The following DYTN variants were observed in gnomAD, a reference collection of about 807,000 sequenced individuals.
The protein encoded by DYTN is dystrotelin.
Under a neutral mutation model 69.6 loss-of-function variants are expected in DYTN, and 75 were observed. That is an observed-to-expected ratio of 1.08 (90% CI 0.89 to 1.31). DYTN has a LOEUF of 1.31. Among genes scored for constraint, DYTN ranks in the 50% most tolerant of loss-of-function variants. DYTN has a pLI of 0.00. For missense variants in DYTN, 726 were observed against 688.4 expected (o/e 1.05, Z -0.61); for synonymous variants, 252 against 249.1 (o/e 1.01, Z -0.11).
At chr2:206,660,284 A>G (rs1699497815) in intron 11 of DYTN, among the ~76,000 whole-genome samples, 1 of 152,198 alleles carries the variant, frequency 6.6e-6, no homozygotes, top group African/African-American at 2.4e-5. Context: ...ATGTATATTT[A>G]TATCTTGATA....
chr2:206,653,253 A>G (rs1179409912), intron 11 of DYTN, among the ~76,000 whole-genome samples: 1 of 152,210 alleles, frequency 6.6e-6, no homozygotes, highest in Admixed American at 6.5e-5. Context: ...GCCATAATCA[A>G]TCTCACATAC....
chr2:206,699,512 G>A (rs985030618), intron 7 of DYTN, among the ~76,000 whole-genome samples: 11 of 152,270 alleles, frequency 7.2e-5, no homozygotes, highest in South Asian at 4.1e-4. Context: ...CACATTATGC[G>A]TCAGTGGAAG....
chr2:206,705,057 G>T, intron 4 of DYTN, 114 bp from the exon 5 acceptor site: 1 of 857,024 alleles, frequency 1.2e-6, no homozygotes, highest in Non-Finnish European at 1.8e-6. Context: ...AGAAGGGAAA[G>T]TTATGTTCTT....
At chr2:206,717,079 A>ACACACACACACACACACACACAC (rs1194032966) in intron 1 of DYTN, among the ~76,000 whole-genome samples, 10 of 137,332 alleles carry the variant, frequency 7.3e-5, no homozygotes, top group South Asian at 7.0e-4. Flanking sequence ...CACACACACA[A>ACACACACACACACACACACACAC]AACAAACTCA....
At chr2:206,701,321 G>A (rs1699974913) in intron 5 of DYTN, 1 of 152,206 alleles carries the variant, frequency 6.6e-6, no homozygotes, top group African/African-American at 2.4e-5. Flanking sequence ...AAATCAGTTT[G>A]TCAAAGAGAC....
In DYTN at chr2:206,694,643, T is replaced by A. The variant is rs188643089; in HGVS notation, c.831+123A>T. 3 of 693,296 alleles carry A rather than the reference T, an allele frequency of 4.3e-6. No individual in the cohort carries two copies. The East Asian group carries it at 8.5e-5, about 20-fold the overall frequency. The allele number at this position is 693,296 out of a possible 1,614,324, so 42.9% of individuals were successfully genotyped here. A position where few individuals can be genotyped will look rare whatever the true frequency, so the allele number is the denominator to read the frequency against. ...GGTGGAGTTTGCCACTTGCTTAGTC[T>A]TAAATATTGCAATGTATGACAGGAG... On this transcript the variant is annotated intron_variant, in intron 8 of 11. Transcript: ENST00000452335.
intron 11 of DYTN, among the ~76,000 whole-genome samples, chr2:206,656,459 G>A (rs974348252): frequency 8.6e-5 from 13 of 152,044 alleles, no homozygotes; most frequent in Non-Finnish European, 1.8e-4. Context: ...CTTTTGATTG[G>A]AGGCTTTAAT....
intron 9 of DYTN, 24 bp downstream of exon 9, chr2:206,693,151 C>T (rs750816343): frequency 3.1e-6 from 5 of 1,588,184 alleles, no homozygotes; most frequent in Middle Eastern, 1.8e-4. Context: ...TCTGTGGGAT[C>T]AGCCAATCCT....
At position 206,700,177 on chromosome 2, in the gene DYTN, C is replaced by T; in HGVS notation, c.523G>A (p.Val175Met). 3 of 1,613,972 alleles carry T rather than the reference C, an allele frequency of 1.9e-6. No homozygotes were observed. Among genetic ancestry groups the T allele is most frequent in the Non-Finnish European group, 2.5e-6 (3 of 1,179,828 alleles). Residue 175 changes from valine to methionine, a missense_variant, in exon 6 of 12, where the codon GTG becomes ATG. Physicochemically the swap from Val to Met is conservative, Grantham distance 21. Coordinates refer to ENST00000452335, the MANE Select transcript of DYTN (RefSeq NM_001093730.1). Reference protein sequence around the residue: ...FVGESRALCPVESATRSCFQG... With the variant: ...FVGESRALCPMESATRSCFQG... ...AAACAGCTGCGGGTGGCACTTTCCA[C>T]AGGGCACAGAGCACGACTCTCTCCC...
At chr2:206,704,655 CCTT>C (rs1441065719) in intron 5 of DYTN, among the ~76,000 whole-genome samples, 185 bp downstream of exon 5, 5 of 152,088 alleles carry the variant, frequency 3.3e-5, no homozygotes, top group Non-Finnish European at 7.4e-5. Context: ...TAATTCATAA[CCTT>C]CTACTCATAA....
intron 8 of DYTN, 132 bp from the exon 9 acceptor site, chr2:206,693,455 T>A: frequency 8.5e-7 from 1 of 1,171,270 alleles, no homozygotes; most frequent in Non-Finnish European, 1.2e-6. Flanking sequence ...AAAATAATCT[T>A]ACCTCCTTCT....
At chr2:206,699,979 T>A in intron 6 of DYTN, 89 bp from the exon 7 acceptor site, 1 of 1,549,750 alleles carries the variant, frequency 6.5e-7, no homozygotes, top group Non-Finnish European at 8.7e-7. Flanking sequence ...TCAGTTCTGC[T>A]GAAGAAGTTT....
chr2:206,717,625 T>G (rs4142019), intron 1 of DYTN, among the ~76,000 whole-genome samples: 60,860 of 152,088 alleles, frequency 0.4, 14,571 homozygotes, highest in East Asian at 0.81. Flanking sequence ...AAAGGTATTG[T>G]AATCATTTAT....
chr2:206,657,297 G>A (rs887597011), intron 11 of DYTN, among the ~76,000 whole-genome samples: 1 of 151,858 alleles, frequency 6.6e-6, no homozygotes, highest in Non-Finnish European at 1.5e-5. Context: ...AAAATTTTTT[G>A]GTAAAGATGT....
At chr2:206,700,892 G>A (rs1237304561) in intron 5 of DYTN, among the ~76,000 whole-genome samples, 1 of 152,170 alleles carries the variant, frequency 6.6e-6, no homozygotes, top group Non-Finnish European at 1.5e-5. Context: ...TTAGTTTGCT[G>A]AGAATGATGG....
At chr2:206,676,866 C>T (rs13012689) in intron 9 of DYTN, among the ~76,000 whole-genome samples, 105,599 of 151,916 alleles carry the variant, frequency 0.7, 36,847 homozygotes, top group South Asian at 0.81. Flanking sequence ...CACAGGTGCA[C>T]CTTTATCCCC....
rs147486819 is a variant in DYTN at position 206,679,455 on chromosome 2, G to A, written c.981-13426C>T. On this transcript the variant is annotated intron_variant, in intron 9 of 11. Transcript: ENST00000452335. ...AGGGGTGACAGCAGAAAATCCCCCA[G>A]GTCATCTTGTCCAGGTCAGACATTA... Among the ~76,000 whole-genome samples, 628 of 152,252 alleles carry A rather than the reference G, an allele frequency of 4.1e-3. 8 individuals carry two copies. The highest frequency in any genetic ancestry group is 0.014 in the African/African-American group (596 of 41,538).
At chr2:206,715,426 T>C (rs66488950) in intron 1 of DYTN, among the ~76,000 whole-genome samples, 14,420 of 152,084 alleles carry the variant, frequency 0.095, 1,533 homozygotes, top group East Asian at 0.52. Context: ...TGCCCGTATA[T>C]ATCAGGGCCA....
chr2:206,703,746 A>C (rs995807251), intron 5 of DYTN, among the ~76,000 whole-genome samples: 6 of 152,164 alleles, frequency 3.9e-5, no homozygotes, highest in African/African-American at 1.4e-4. Context: ...TCCTCAGTTC[A>C]GAATCCTTGG....
Sources: gnomAD v4.1 joint callset for allele counts (sites outside exome capture counted in the v4.1 genomes callset) on GRCh38, gnomAD v4.1.1 for gene constraint, MANE v1.5 for transcripts, NCBI Gene and HGNC (gene_info 2026-07-23, HGNC 2026-07-21) for gene names.